NCOA2: variants seen among roughly 807,000 people sequenced by gnomAD.
NCOA2 encodes class E basic helix-loop-helix protein 75.
In NCOA2, 21 loss-of-function variants were observed where a neutral mutation model predicts 145.1. The observed-to-expected ratio is 0.14, with a 90% CI of 0.10 to 0.21. The LOEUF (loss-of-function observed/expected upper bound fraction) is 0.21, where lower values mean the gene tolerates loss of function less well. NCOA2 is among the 10% of genes least tolerant of loss of function. NCOA2 has a pLI of 1.00. For missense variants in NCOA2, 1,472 were observed against 1,837.6 expected, an observed-to-expected ratio of 0.80 and a Z score of 3.64; for synonymous variants, 619 against 637.5, an observed-to-expected ratio of 0.97 and a Z score of 0.44.
chr8:70,174,702 A>G, intron 5 of NCOA2, 54 bp downstream of exon 5: 1 of 1,435,616 alleles, frequency 7.0e-7, no homozygotes, highest in Non-Finnish European at 9.8e-7. Context: ...TAAATGTAAT[A>G]ATGTGAAGAT....
chr8:70,411,303 C>G, the NCOA2 span, among the ~76,000 whole-genome samples: 584 of 152,100 alleles, frequency 3.8e-3, 8 homozygotes, highest in African/African-American at 0.014. Flanking sequence ...GAAAAAATGG[C>G]ATAAAGATTG....
chr8:70,168,078 AG>A (rs1813835599), intron 6 of NCOA2, among the ~76,000 whole-genome samples: 1 of 152,230 alleles, frequency 6.6e-6, no homozygotes, highest in South Asian at 2.1e-4. Flanking sequence ...TATATTCTCC[AG>A]TCATCAGCTA....
At chr8:70,185,019 C>A (rs1180810387) in intron 4 of NCOA2, among the ~76,000 whole-genome samples, 1 of 152,178 alleles carries the variant, frequency 6.6e-6, no homozygotes, top group Non-Finnish European at 1.5e-5. Context: ...GCTTGCATTT[C>A]TCTCCTTGTG....
At chr8:70,193,842 A>C (rs1357327001) in intron 4 of NCOA2, among the ~76,000 whole-genome samples, 3 of 152,188 alleles carry the variant, frequency 2.0e-5, no homozygotes, top group Non-Finnish European at 4.4e-5. Flanking sequence ...AGGCTCCCCA[A>C]AACGACCTCA....
intron 9 of NCOA2, among the ~76,000 whole-genome samples, chr8:70,161,770 C>T (rs906450582): frequency 7.9e-5 from 12 of 152,308 alleles, no homozygotes; most frequent in South Asian, 2.1e-4. Flanking sequence ...GAGTCCCTCA[C>T]GTGCAGCATG....
chr8:70,382,838 C>T (rs1189153113), intron 1 of NCOA2, among the ~76,000 whole-genome samples: 5 of 152,116 alleles, frequency 3.3e-5, no homozygotes, highest in South Asian at 2.1e-4. Context: ...TAGGATCAGC[C>T]GTGTTAATAA....
intron 1 of NCOA2, among the ~76,000 whole-genome samples, chr8:70,351,745 C>G: frequency 6.7e-6 from 1 of 149,800 alleles, no homozygotes; most frequent in South Asian, 2.1e-4. Flanking sequence ...ACCACCACCC[C>G]GGCTAATTTT....
chr8:70,237,466 T>A (rs897218453), intron 2 of NCOA2, among the ~76,000 whole-genome samples: 1 of 151,550 alleles, frequency 6.6e-6, no homozygotes, highest in East Asian at 1.9e-4. Flanking sequence ...TAGTTTTGTA[T>A]CTGTTAAAAT....
intron 2 of NCOA2, among the ~76,000 whole-genome samples, chr8:70,260,029 C>A (rs570967725): frequency 6.6e-6 from 1 of 152,210 alleles, no homozygotes; most frequent in Non-Finnish European, 1.5e-5. Context: ...CTCATCCCTT[C>A]CTGGTCAACA....
chr8:70,336,073 C>G (rs1272833357), intron 1 of NCOA2, among the ~76,000 whole-genome samples: 1 of 152,000 alleles, frequency 6.6e-6, no homozygotes, highest in Non-Finnish European at 1.5e-5. Flanking sequence ...CTGGGTGAGT[C>G]AGTGAGTGAG....
At chr8:70,174,514 C>T (rs1004540273) in intron 5 of NCOA2, among the ~76,000 whole-genome samples, 2 of 152,152 alleles carry the variant, frequency 1.3e-5, no homozygotes, top group Non-Finnish European at 2.9e-5. Flanking sequence ...CTGGCAATTA[C>T]AACTTGTCAA....
intron 22 of NCOA2, among the ~76,000 whole-genome samples, 172 bp downstream of exon 22, chr8:70,121,130 G>A (rs1262213745): frequency 6.6e-6 from 1 of 152,176 alleles, no homozygotes; most frequent in East Asian, 1.9e-4. Context: ...GTTAAAATGA[G>A]CTTAAAGAAA....
chr8:70,138,846 G>A (rs754387440), intron 14 of NCOA2, among the ~76,000 whole-genome samples: 14 of 152,330 alleles, frequency 9.2e-5, no homozygotes, highest in Non-Finnish European at 1.8e-4. Flanking sequence ...CTCTGTTTTC[G>A]CATTTCATCT....
chr8:70,247,606 T>G (rs1822739447), intron 2 of NCOA2, among the ~76,000 whole-genome samples: 2 of 152,152 alleles, frequency 1.3e-5, no homozygotes, highest in South Asian at 4.1e-4. Context: ...AGGGGGTGGT[T>G]TGTGAAATCC....
intron 2 of NCOA2, among the ~76,000 whole-genome samples, chr8:70,240,096 G>A (rs997525267): frequency 6.6e-6 from 1 of 152,138 alleles, no homozygotes; most frequent in African/African-American, 2.4e-5. Flanking sequence ...AAGAAGCTCT[G>A]TTGAGAAGGG....
intron 4 of NCOA2, among the ~76,000 whole-genome samples, chr8:70,207,587 G>T (rs1818573602): frequency 6.6e-6 from 1 of 152,166 alleles, no homozygotes; most frequent in African/African-American, 2.4e-5. Flanking sequence ...GTATTGGTGG[G>T]GTGTGGTGGC....
At chr8:70,384,114 T>C (rs764581113) in intron 1 of NCOA2, among the ~76,000 whole-genome samples, 4 of 152,142 alleles carry the variant, frequency 2.6e-5, no homozygotes, top group Non-Finnish European at 5.9e-5. Context: ...CTTATCCCTA[T>C]GGAAAAGAGA....
At chr8:70,251,452 C>T (rs1462616366) in intron 2 of NCOA2, among the ~76,000 whole-genome samples, 1 of 152,208 alleles carries the variant, frequency 6.6e-6, no homozygotes, top group Non-Finnish European at 1.5e-5. Flanking sequence ...CCAAGGATTT[C>T]AGAGGCTTGA....
chr8:70,291,932 C>T (rs1208946873), intron 2 of NCOA2, among the ~76,000 whole-genome samples: 3 of 151,730 alleles, frequency 2.0e-5, no homozygotes, highest in Non-Finnish European at 2.9e-5. Context: ...ACCCCGTAGC[C>T]GGGTGCGGTG....
Sources: allele counts gnomAD v4.1 joint callset (sites outside exome capture counted in the v4.1 genomes callset), GRCh38; gene constraint gnomAD v4.1.1; transcripts MANE v1.5; gene names NCBI Gene and HGNC (gene_info 2026-07-23, HGNC 2026-07-21).